The following MME variants were observed in gnomAD, a reference collection of about 807,000 sequenced individuals.
MME encodes the protein membrane metalloendopeptidase.
Under a neutral mutation model 113.2 loss-of-function variants are expected in MME, and 98 were observed. The observed-to-expected ratio is 0.87, with a 90% CI of 0.74 to 1.02. The LOEUF (loss-of-function observed/expected upper bound fraction) is 1.02. Among genes scored for constraint, MME ranks in the 50% least tolerant of loss-of-function variants. The pLI is 0.00. For missense variants in MME, 836 were observed against 896.0 expected, an observed-to-expected ratio of 0.93 and a Z score of 0.86; for synonymous variants, 292 against 300.6, an observed-to-expected ratio of 0.97 and a Z score of 0.30.
At chr3:155,071,918 T>C (rs1168327560) in intron 1 of MME, among the ~76,000 whole-genome samples, 2 of 152,014 alleles carry the variant, frequency 1.3e-5, no homozygotes, top group African/African-American at 2.4e-5. Flanking sequence ...TCCCAGCACT[T>C]TGGGAGGCCG....
intron 20 of MME, among the ~76,000 whole-genome samples, chr3:155,169,806 G>T (rs1711710740): frequency 6.6e-6 from 1 of 152,146 alleles, no homozygotes; most frequent in Admixed American, 6.6e-5. Context: ...GGATTAGAGT[G>T]GAGGAGGTGA....
chr3:155,126,116 T>G (rs1476948618), intron 8 of MME, among the ~76,000 whole-genome samples: 1 of 152,166 alleles, frequency 6.6e-6, no homozygotes, highest in Non-Finnish European at 1.5e-5. Flanking sequence ...ATAGCACAGA[T>G]AAATACATGG....
chr3:155,042,922 A>ATATATATATATATATG (rs1713397876), intron 1 of MME, among the ~76,000 whole-genome samples: 3 of 63,690 alleles, frequency 4.7e-5, no homozygotes, highest in African/African-American at 1.4e-4. Flanking sequence ...ATATATATAT[A>ATATATATATATATATG]TATATATATA....
chr3:155,063,282 AAT>A (rs1308192997), intron 1 of MME, among the ~76,000 whole-genome samples: 6 of 108,296 alleles, frequency 5.5e-5, no homozygotes, highest in Admixed American at 1.1e-4. Context: ...TATATATTAT[AAT>A]ATATACATAT....
At chr3:155,124,604 A>G (rs547559752) in intron 8 of MME, among the ~76,000 whole-genome samples, 148 of 152,080 alleles carry the variant, frequency 9.7e-4, no homozygotes, top group Middle Eastern at 3.4e-3. Flanking sequence ...TTTGGTGTGG[A>G]TGTCCTTTCT....
At chr3:155,158,569 A>G (rs1421590828) in intron 16 of MME, 1 of 152,040 alleles carries the variant, frequency 6.6e-6, no homozygotes, top group African/African-American at 2.4e-5. Flanking sequence ...CTGAATATAT[A>G]TAAACATAGT....
intron 3 of MME, chr3:155,090,003 A>C: frequency 3.3e-6 from 1 of 301,098 alleles, no homozygotes; most frequent in Non-Finnish European, 6.8e-6. Flanking sequence ...GGTCTGCAGA[A>C]GCATATGTTA....
chr3:155,034,225 A>G (rs1229220397), intron 1 of MME, among the ~76,000 whole-genome samples: 35 of 152,142 alleles, frequency 2.3e-4, no homozygotes, highest in Admixed American at 2.2e-3. Context: ...GTTCACAAAG[A>G]GGATTTGGGT....
chr3:155,144,248 C>A, intron 13 of MME, 111 bp from the exon 14 acceptor site: 1 of 754,884 alleles, frequency 1.3e-6, no homozygotes, highest in Non-Finnish European at 2.4e-6. Flanking sequence ...TATAAATTTA[C>A]GTTTATTAAC....
intron 17 of MME, among the ~76,000 whole-genome samples, chr3:155,163,763 A>G (rs1268812086): frequency 1.3e-5 from 2 of 152,164 alleles, no homozygotes. Flanking sequence ...AATTTTCTAA[A>G]TTGCCTTATT....
intron 3 of MME, among the ~76,000 whole-genome samples, chr3:155,100,805 G>A (rs550340431): frequency 6.6e-6 from 1 of 152,258 alleles, no homozygotes; most frequent in Admixed American, 6.5e-5. Flanking sequence ...GATCACTTGA[G>A]CCCAGGAGTT....
Position 155,071,368 on chromosome 3 carries a change from G to A in MME, c.-10-12790G>A, listed in dbSNP as rs561820160. The stretch of plus-strand genomic sequence containing the variant: ...CATGGAACAGTTTAGCCAGGGAATA[G>A]GCCCAATTCTATGTTTTGAAATTTA... On this transcript the variant is annotated intron_variant, in intron 1 of 22. Coordinates refer to the MME transcript ENST00000492661. Among the ~76,000 whole-genome samples the A allele has an allele frequency of 3.9e-5, 6 of 152,296 alleles. No individual in the cohort carries two copies. In the South Asian group the frequency reaches 6.2e-4, roughly 16 times the overall value.
intron 1 of MME, among the ~76,000 whole-genome samples, chr3:155,057,048 T>C (rs1286427054): frequency 6.6e-6 from 1 of 152,188 alleles, no homozygotes; most frequent in Non-Finnish European, 1.5e-5. Flanking sequence ...AAGGACTTCA[T>C]GTCTAACACA....
chr3:155,046,998 T>G (rs1243615548), intron 1 of MME, among the ~76,000 whole-genome samples: 1 of 152,224 alleles, frequency 6.6e-6, no homozygotes, highest in Admixed American at 6.5e-5. Flanking sequence ...GGTTTATTAC[T>G]GAAGAAAGAA....
chr3:155,041,055 ATCT>A (rs1713302148), intron 1 of MME, among the ~76,000 whole-genome samples: 1 of 152,178 alleles, frequency 6.6e-6, no homozygotes, highest in Non-Finnish European at 1.5e-5. Context: ...AACAGAGAAC[ATCT>A]TTCTCAAGAC....
In MME at chr3:155,180,352, TTTCAAAGGATTA is replaced by T. The variant is rs1712962174; in HGVS notation, c.2154-5_2160del. On this transcript the variant is annotated splice_acceptor_variant and splice_polypyrimidine_tract_variant and coding_sequence_variant and intron_variant, in exon 23 of 23. Transcript: ENST00000360490. LOFTEE classifies it high-confidence loss of function. ...TGCTGACGGTGACTTTTTTTGTTTG[TTTCAAAGGATTA>T]TTGGGACTTTGCAGAACTCTGCAGA... 7 of 1,611,594 alleles carry T rather than the reference TTTCAAAGGATTA, an allele frequency of 4.3e-6. No individual in the cohort carries two copies. Among genetic ancestry groups the T allele is most frequent in the Non-Finnish European group, 5.1e-6 (6 of 1,177,810 alleles).
intron 8 of MME, among the ~76,000 whole-genome samples, chr3:155,128,431 T>A (rs1405975260): frequency 6.6e-6 from 1 of 152,206 alleles, no homozygotes; most frequent in Non-Finnish European, 1.5e-5. Flanking sequence ...TGTGTCTTAT[T>A]GCTTCATGAA....
exon 1 of MME, chr3:155,024,211 C>G (rs933595086): frequency 9.2e-5 from 14 of 152,306 alleles, no homozygotes; most frequent in African/African-American, 3.4e-4. Context: ...GAATTGGTGC[C>G]TACCATGGCT....
intron 8 of MME, among the ~76,000 whole-genome samples, chr3:155,137,743 A>G (rs1232597977): frequency 6.6e-6 from 1 of 152,136 alleles, no homozygotes; most frequent in Non-Finnish European, 1.5e-5. Context: ...GAAATGTATT[A>G]TTATTCAGCG....
Sources: allele counts gnomAD v4.1 joint callset (sites outside exome capture counted in the v4.1 genomes callset), GRCh38; gene constraint gnomAD v4.1.1; transcripts MANE v1.5; gene names NCBI Gene and HGNC (gene_info 2026-07-23, HGNC 2026-07-21).